The following KCNB2 variants were observed in gnomAD, a reference collection of about 807,000 sequenced individuals.
The protein encoded by KCNB2 is potassium voltage-gated channel subfamily B member 2.
Under a neutral mutation model 61.5 loss-of-function variants are expected in KCNB2, and 15 were observed. That is an observed-to-expected ratio of 0.24 (90% CI 0.16 to 0.38). The LOEUF is 0.38. KCNB2 is among the 10% of genes least tolerant of loss of function. The pLI, the probability that KCNB2 is intolerant of heterozygous loss-of-function variation, is 1.00. For missense variants in KCNB2, 828 were observed against 1,125.2 expected, an observed-to-expected ratio of 0.74 and a Z score of 3.78; for synonymous variants, 457 against 446.0, an observed-to-expected ratio of 1.02 and a Z score of -0.31.
At chr8:72,691,575 A>G (rs1174213514) in intron 2 of KCNB2, among the ~76,000 whole-genome samples, 2 of 152,208 alleles carry the variant, frequency 1.3e-5, no homozygotes, top group Admixed American at 1.3e-4. Context: ...CATTGCAACT[A>G]CAAGTGTAGC....
At position 72,740,405 on chromosome 8, in the gene KCNB2, G is replaced by A. The variant is rs547137019; in HGVS notation, c.579+172092G>A. On this transcript the variant is annotated intron_variant, in intron 2 of 2. Transcript: ENST00000523207. ...TTCAGCTCTCAACGTAACTGGCTAA[G>A]GCTTCAAGTTCTTCAATAAGAAATT... Among the ~76,000 whole-genome samples the A allele has an allele frequency of 9.5e-4, 145 of 152,216 alleles. 6 individuals are homozygous for A. The highest frequency in any genetic ancestry group is 4.6e-4 in the Non-Finnish European group (31 of 68,006).
intron 2 of KCNB2, among the ~76,000 whole-genome samples, chr8:72,826,606 C>T (rs1289486944): frequency 6.6e-6 from 1 of 152,022 alleles, no homozygotes; most frequent in Non-Finnish European, 1.5e-5. Flanking sequence ...ATCTAGGTTA[C>T]CAAGGATGGT....
chr8:72,801,638 TA>T (rs1809127690), intron 2 of KCNB2, among the ~76,000 whole-genome samples: 1 of 152,048 alleles, frequency 6.6e-6, no homozygotes, highest in African/African-American at 2.4e-5. Context: ...AGCCATTGAG[TA>T]AACTCTTCGC....
chr8:72,814,493 G>A (rs1338931329), intron 2 of KCNB2, among the ~76,000 whole-genome samples: 4 of 152,052 alleles, frequency 2.6e-5, no homozygotes, highest in African/African-American at 7.3e-5. Flanking sequence ...ATCTTCAATG[G>A]TATTTGTTGA....
chr8:72,835,425 T>C (rs943094054), intron 2 of KCNB2, among the ~76,000 whole-genome samples: 1 of 151,068 alleles, frequency 6.6e-6, no homozygotes, highest in African/African-American at 2.4e-5. Flanking sequence ...AGATGGAGAG[T>C]TCTCAAGGCA....
chr8:72,920,469 C>CTATATATATATA (rs1168802571), intron 2 of KCNB2, among the ~76,000 whole-genome samples: 726 of 71,212 alleles, frequency 0.01, 40 homozygotes, highest in African/African-American at 0.036. Context: ...ATCTATCTAT[C>CTATATATATATA]TATCTATATA....
chr8:72,713,350 G>T (rs1259618919), intron 2 of KCNB2, among the ~76,000 whole-genome samples: 2 of 152,222 alleles, frequency 1.3e-5, no homozygotes, highest in African/African-American at 2.4e-5. Context: ...CTGAGAACGG[G>T]CAGACTGCCT....
Position 72,937,055 on chromosome 8 carries a change from C to T in KCNB2, c.1700C>T (p.Pro567Leu). Reference sequence around the variant, plus strand: ...GACTGCCAAGAAAAGCCTGAGAGGCCATCTGCATATGAAGAAGAGATTGAA... The same window carrying T: ...GACTGCCAAGAAAAGCCTGAGAGGCTATCTGCATATGAAGAAGAGATTGAA... ...NPDCQEKPER[P>L]SAYEEEIEME... Residue 567 changes from proline (P) to leucine (L), a missense_variant, in exon 3 of 3, where the codon CCA (proline) becomes CTA (leucine). This residue lies in a region of KCNB2 where 559 missense variants were observed against 588.4 expected (regional missense o/e 0.95). Transcript: ENST00000523207. The T allele has an allele frequency of 1.9e-6, 3 of 1,614,078 alleles. No homozygotes were observed. Among genetic ancestry groups the T allele is most frequent in the Non-Finnish European group, 2.5e-6 (3 of 1,180,010 alleles).
At chr8:72,851,315 G>A (rs763328037) in intron 2 of KCNB2, among the ~76,000 whole-genome samples, 5 of 68,684 alleles carry the variant, frequency 7.3e-5, no homozygotes, top group Non-Finnish European at 1.4e-4. Context: ...TAGGAGAGAC[G>A]AGTTGTAGCA....
chr8:72,856,619 T>C (rs1810212179), intron 2 of KCNB2, among the ~76,000 whole-genome samples: 1 of 152,222 alleles, frequency 6.6e-6, no homozygotes, highest in African/African-American at 2.4e-5. Context: ...TTAAGTATTG[T>C]ATCATTATTA....
At chr8:72,926,526 T>A (rs1806652804) in intron 2 of KCNB2, among the ~76,000 whole-genome samples, 1 of 152,164 alleles carries the variant, frequency 6.6e-6, no homozygotes, top group African/African-American at 2.4e-5. Context: ...GGTGGTTTGC[T>A]GCACAGATCA....
intron 2 of KCNB2, among the ~76,000 whole-genome samples, chr8:72,733,720 T>C (rs1429350043): frequency 6.6e-6 from 1 of 151,454 alleles, no homozygotes; most frequent in African/African-American, 2.4e-5. Flanking sequence ...GGAAGAGGAG[T>C]GTTCTGAGCT....
chr8:72,874,351 T>G (rs1805668491), intron 2 of KCNB2, among the ~76,000 whole-genome samples: 1 of 152,188 alleles, frequency 6.6e-6, no homozygotes, highest in Non-Finnish European at 1.5e-5. Flanking sequence ...CCAGCCATGA[T>G]GAACACTGAC....
intron 2 of KCNB2, among the ~76,000 whole-genome samples, chr8:72,595,013 A>G (rs1807165047): frequency 6.6e-6 from 1 of 152,182 alleles, no homozygotes; most frequent in Non-Finnish European, 1.5e-5. Flanking sequence ...TTAGGGTAAG[A>G]GGATTGTTCT....
chr8:72,561,435 T>C (rs1249245950), intron 1 of KCNB2, among the ~76,000 whole-genome samples: 2 of 151,580 alleles, frequency 1.3e-5, no homozygotes, highest in Non-Finnish European at 2.9e-5. Context: ...TATTTTTTTT[T>C]TAAACTAAGG....
At chr8:72,845,086 T>C (rs985432069) in intron 2 of KCNB2, among the ~76,000 whole-genome samples, 1 of 152,234 alleles carries the variant, frequency 6.6e-6, no homozygotes, top group Non-Finnish European at 1.5e-5. Context: ...TTATCTACCT[T>C]AGGTCTTTGA....
intron 2 of KCNB2, among the ~76,000 whole-genome samples, chr8:72,846,197 A>G (rs1052773119): frequency 3.3e-5 from 5 of 152,086 alleles, no homozygotes; most frequent in Admixed American, 1.3e-4. Flanking sequence ...TGGCTAGGAG[A>G]AGGAGTTCCT....
chr8:72,627,702 G>A (rs1805811450), intron 2 of KCNB2, among the ~76,000 whole-genome samples: 1 of 152,124 alleles, frequency 6.6e-6, no homozygotes, highest in Non-Finnish European at 1.5e-5. Context: ...TGTGCTTTGA[G>A]CCGCACCCAT....
At chr8:72,865,488 T>C (rs1177216775) in intron 2 of KCNB2, among the ~76,000 whole-genome samples, 1 of 152,142 alleles carries the variant, frequency 6.6e-6, no homozygotes, top group Non-Finnish European at 1.5e-5. Flanking sequence ...GTATTTTGAA[T>C]ACATATAGCA....
Sources: allele counts gnomAD v4.1 joint callset (sites outside exome capture counted in the v4.1 genomes callset), GRCh38; gene constraint gnomAD v4.1.1; regional missense constraint gnomAD v4.1.1; transcripts MANE v1.5; gene names NCBI Gene and HGNC (gene_info 2026-07-23, HGNC 2026-07-21).